Variants in RANBP2 observed in about 807,000 individuals in gnomAD.
RANBP2 encodes the protein E3 SUMO-protein ligase RanBP2.
Under a neutral mutation model 303.6 loss-of-function variants are expected in RANBP2, and 57 were observed. The ratio of observed to expected loss-of-function variants is 0.19; its 90% CI spans 0.15 to 0.23. RANBP2 has a LOEUF of 0.23. RANBP2 is among the 10% of genes least tolerant of loss of function. The pLI, the probability that RANBP2 is intolerant of heterozygous loss-of-function variation, is 1.00. For synonymous variants in RANBP2, 1,167 were observed against 1,301.5 expected (o/e 0.90, Z 2.23); for missense variants, 3,138 against 3,780.8 (o/e 0.83, Z 4.46).
the RANBP2 span, among the ~76,000 whole-genome samples, chr2:108,855,413 T>C: frequency 6.6e-6 from 1 of 152,042 alleles, no homozygotes; most frequent in African/African-American, 2.4e-5. Flanking sequence ...GGTGGCACTG[T>C]GATAAAACTT....
At chr2:109,614,287 G>C in the RANBP2 span, 1 of 620,962 alleles carries the variant, frequency 1.6e-6, no homozygotes, top group Non-Finnish European at 2.3e-6. Context: ...CTGGTGGCGT[G>C]GGCGCGGGGC....
At chr2:109,262,503 A>G in the RANBP2 span, among the ~76,000 whole-genome samples, 1 of 152,196 alleles carries the variant, frequency 6.6e-6, no homozygotes, top group African/African-American at 2.4e-5. Context: ...CAGCCAGGTA[A>G]ACCTACCCAG....
the RANBP2 span, among the ~76,000 whole-genome samples, chr2:109,568,860 C>T: frequency 8.9e-3 from 1,351 of 152,174 alleles, 16 homozygotes; most frequent in African/African-American, 0.03. Context: ...ACTGTATGTA[C>T]TACTATCTTA....
At chr2:109,623,135 AAAC>A in the RANBP2 span, among the ~76,000 whole-genome samples, 972 of 152,276 alleles carry the variant, frequency 6.4e-3, 12 homozygotes, top group South Asian at 0.056. Flanking sequence ...TCAAAAAAGA[AAAC>A]AACAACAACA....
In RANBP2 at chr2:108,775,871, A is replaced by C. The variant is rs767036572; in HGVS notation, c.8432A>C (p.Glu2811Ala). 7.4e-6 allele frequency: 12 copies of C among 1,613,334 alleles called. No homozygotes were observed. Among genetic ancestry groups the C allele is most frequent in the Non-Finnish European group, 1.0e-5 (12 of 1,179,930 alleles). Residue 2811 changes from glutamate (E) to alanine (A), a missense_variant, in exon 24 of 29, where the codon GAA becomes GCA. This residue lies in a region of RANBP2 where 497 missense variants were observed against 465.8 expected (regional missense o/e 1.07). Coordinates refer to ENST00000283195, the MANE Select transcript of RANBP2 (RefSeq NM_006267.5). ...ATTAGTTCACCATCTGTTTCCTCTG[A>C]AACTATGGACAAACCTGTAGATTTG... is the stretch of plus-strand genomic sequence containing the variant. ...KSISSPSVSS[E>A]TMDKPVDLST...
chr2:108,770,248 A>C (rs1045786222), intron 20 of RANBP2, among the ~76,000 whole-genome samples: 15 of 152,322 alleles, frequency 9.8e-5, no homozygotes, highest in African/African-American at 3.6e-4. Flanking sequence ...AAGAGAGGCT[A>C]TCTGATTTAC....
chr2:109,399,578 T>C, the RANBP2 span, among the ~76,000 whole-genome samples: 1 of 152,070 alleles, frequency 6.6e-6, no homozygotes, highest in Non-Finnish European at 1.5e-5. Context: ...GAGTTCAAGA[T>C]CAGCTTGGGC....
the RANBP2 span, among the ~76,000 whole-genome samples, chr2:108,991,722 G>A: frequency 4.6e-5 from 7 of 152,306 alleles, no homozygotes; most frequent in Non-Finnish European, 1.0e-4. Context: ...AACACTCAGG[G>A]GTTGGTAAGA....
At chr2:109,213,793 ATAGGGTGTGGTGTGG>A in the RANBP2 span, among the ~76,000 whole-genome samples, 1 of 152,002 alleles carries the variant, frequency 6.6e-6, no homozygotes, top group Admixed American at 6.5e-5. Context: ...GTGTGGTGTG[ATAGGGTGTGGTGTGG>A]TGTGGTGGAT....
chr2:109,281,338 T>C, the RANBP2 span, among the ~76,000 whole-genome samples: 2 of 152,176 alleles, frequency 1.3e-5, no homozygotes, highest in African/African-American at 2.4e-5. Context: ...CCCTCCGTTA[T>C]CCATCAGGAA....
chr2:109,627,077 G>C, the RANBP2 span, among the ~76,000 whole-genome samples: 1 of 152,078 alleles, frequency 6.6e-6, no homozygotes, highest in East Asian at 1.9e-4. Flanking sequence ...CTGAGCCCAG[G>C]AGTCCAGGAG....
the RANBP2 span, among the ~76,000 whole-genome samples, chr2:108,800,439 A>G: frequency 9.2e-5 from 14 of 151,696 alleles, no homozygotes; most frequent in Admixed American, 7.2e-4. Flanking sequence ...TAATTTTTGT[A>G]TTTTTAGTAG....
chr2:109,344,990 G>C, the RANBP2 span, among the ~76,000 whole-genome samples: 1 of 152,176 alleles, frequency 6.6e-6, no homozygotes, highest in Non-Finnish European at 1.5e-5. Context: ...CAGTGAAGGG[G>C]GGTGTCAGGG....
chr2:109,713,291 C>G, the RANBP2 span, among the ~76,000 whole-genome samples: 2 of 152,142 alleles, frequency 1.3e-5, no homozygotes, highest in African/African-American at 4.8e-5. Context: ...AATAAGCCCT[C>G]CTGGTAAGGC....
chr2:109,053,874 C>T, the RANBP2 span, among the ~76,000 whole-genome samples: 1 of 152,100 alleles, frequency 6.6e-6, no homozygotes, highest in Non-Finnish European at 1.5e-5. Context: ...CATCCATCTG[C>T]CTGGCACCGG....
chr2:109,042,919 ATAG>A, the RANBP2 span, among the ~76,000 whole-genome samples: 1 of 152,238 alleles, frequency 6.6e-6, no homozygotes, highest in Non-Finnish European at 1.5e-5. Context: ...TATTTGAAAA[ATAG>A]TAGTTTCTAT....
the RANBP2 span, among the ~76,000 whole-genome samples, chr2:109,641,872 C>G: frequency 6.6e-6 from 1 of 152,162 alleles, no homozygotes; most frequent in Non-Finnish European, 1.5e-5. Flanking sequence ...ATGGTGCAAT[C>G]TCCATTCACT....
At chr2:108,985,145 A>T in the RANBP2 span, among the ~76,000 whole-genome samples, 1 of 152,158 alleles carries the variant, frequency 6.6e-6, no homozygotes, top group Admixed American at 6.5e-5. Flanking sequence ...CTAATACTGT[A>T]TCTTATTTCA....
At chr2:108,972,012 G>A in the RANBP2 span, among the ~76,000 whole-genome samples, 1 of 152,168 alleles carries the variant, frequency 6.6e-6, no homozygotes, top group Non-Finnish European at 1.5e-5. Context: ...AGCCACTTGC[G>A]AGGCCTCTGG....
Sources: gnomAD v4.1 joint callset for allele counts (sites outside exome capture counted in the v4.1 genomes callset) on GRCh38, gnomAD v4.1.1 for gene constraint, gnomAD v4.1.1 regional missense constraint, MANE v1.5 for transcripts, NCBI Gene and HGNC (gene_info 2026-07-23, HGNC 2026-07-21) for gene names.